Variants in LARGE1 observed in about 807,000 individuals in gnomAD.
The protein encoded by LARGE1 is xylosyl- and glucuronyltransferase LARGE1.
LARGE1 carries 43 observed loss-of-function variants against 87.6 expected under a neutral mutation model. The ratio of observed to expected loss-of-function variants is 0.49; its 90% CI spans 0.38 to 0.63. The LOEUF is 0.63. Ranked by LOEUF, LARGE1 falls within the 30% of genes least tolerant of loss-of-function variation. The probability of loss-of-function intolerance (pLI) is 0.00; values close to 1 mark genes in which losing one functional copy is unlikely to be tolerated. For missense variants in LARGE1, 802 were observed against 1,000.2 expected (o/e 0.80, Z 2.67); for synonymous variants, 434 against 394.6 (o/e 1.10, Z -1.18).
At position 33,378,773 on chromosome 22, in the gene LARGE1, TCCCACGAGGCTG is replaced by T. The variant is rs372283334; in HGVS notation, c.1131+3134_1131+3145del. On this transcript the variant is annotated intron_variant, in intron 9 of 14. Coordinates refer to ENST00000397394, the MANE Select transcript of LARGE1 (RefSeq NM_133642.5). ...CAGACTCTATGGGTTAGTGGCTTAG[TCCCACGAGGCTG>T]CCCACTTCAGATGCCAGTTGCAAAT... 2.9e-3 allele frequency among the ~76,000 whole-genome samples: 441 copies of T among 152,282 alleles called. 1 individual carries two copies. The highest frequency in any genetic ancestry group is 0.01 in the African/African-American group (426 of 41,548).
At chr22:33,550,797 T>C (rs3986016) in intron 6 of LARGE1, among the ~76,000 whole-genome samples, 72,726 of 152,042 alleles carry the variant, frequency 0.48, 17,773 homozygotes, top group Admixed American at 0.56. Flanking sequence ...TCAACCGACG[T>C]GCCCATCAAT....
At chr22:33,184,315 G>C (rs1923359136) in intron 11 of LARGE1, among the ~76,000 whole-genome samples, 1 of 150,820 alleles carries the variant, frequency 6.6e-6, no homozygotes, top group Non-Finnish European at 1.5e-5. Context: ...GAAAATATTT[G>C]GAAGCTAAAT....
intron 7 of LARGE1, among the ~76,000 whole-genome samples, chr22:33,420,986 G>A (rs989877743): frequency 1.3e-5 from 2 of 152,098 alleles, no homozygotes; most frequent in Admixed American, 1.3e-4. Flanking sequence ...TCAGGAGTTC[G>A]AGACCAGCCC....
At chr22:33,419,464 G>A (rs1601773627) in intron 7 of LARGE1, among the ~76,000 whole-genome samples, 1 of 151,860 alleles carries the variant, frequency 6.6e-6, no homozygotes, top group African/African-American at 2.4e-5. Flanking sequence ...GGTGGCCTTT[G>A]CACGTGCCGT....
intron 6 of LARGE1, among the ~76,000 whole-genome samples, chr22:33,537,771 C>G (rs1293852905): frequency 6.6e-6 from 1 of 152,084 alleles, no homozygotes; most frequent in African/African-American, 2.4e-5. Context: ...CAGGGTTTCA[C>G]TATACTGGCC....
intron 9 of LARGE1, among the ~76,000 whole-genome samples, chr22:33,371,451 A>T (rs2064805281): frequency 6.6e-6 from 1 of 152,182 alleles, no homozygotes; most frequent in Non-Finnish European, 1.5e-5. Flanking sequence ...TAACTCCTTG[A>T]TAAGTAGGAC....
At position 33,809,796 on chromosome 22, in the gene LARGE1, T is replaced by C. The variant is rs181948557; in HGVS notation, c.-82-48238A>G. Among the ~76,000 whole-genome samples the C allele has an allele frequency of 3.2e-4, 48 of 152,286 alleles. 1 individual carries two copies. In the East Asian group the frequency reaches 8.5e-3, roughly 27 times the overall value. On this transcript the variant is annotated intron_variant, in intron 1 of 14. Transcript: ENST00000397394. ...CTAAATATTCAAGATCAGATGCATA[T>C]TTTACACTTAAGTACATCTCAATTG...
chr22:33,675,742 C>T (rs780207620), intron 2 of LARGE1, among the ~76,000 whole-genome samples: 1 of 152,204 alleles, frequency 6.6e-6, no homozygotes, highest in Non-Finnish European at 1.5e-5. Flanking sequence ...AACCACTCCC[C>T]TCACAAAAGG....
intron 1 of LARGE1, among the ~76,000 whole-genome samples, chr22:33,819,339 G>A (rs2086751806): frequency 6.6e-6 from 1 of 152,066 alleles, no homozygotes; most frequent in Non-Finnish European, 1.5e-5. Context: ...CCACACATAT[G>A]AATGCTCTGG....
At chr22:33,528,471 C>T (rs545471919) in intron 6 of LARGE1, among the ~76,000 whole-genome samples, 2 of 152,226 alleles carry the variant, frequency 1.3e-5, no homozygotes, top group South Asian at 4.2e-4. Context: ...CTTCATGTGT[C>T]TCATGAACAA....
rs532652118 is a variant in LARGE1, at chr22:33,198,153, G to A, written c.1731-31321C>T. ...TCCAGAGCGGTGTGGTGGGTGGGGG[G>A]AACAGGAGAAAGACATTGATTAGGA... is the stretch of plus-strand genomic sequence containing the variant. On this transcript the variant is annotated intron_variant, in intron 11 of 11. Transcript: ENST00000608642. Among the ~76,000 whole-genome samples the A allele has an allele frequency of 5.9e-5, 9 of 152,180 alleles. No individual in the cohort carries two copies. The South Asian group carries it at 1.9e-3, about 32-fold the overall frequency.
In LARGE1 at chr22:33,919,874, G is replaced by A. The variant is rs1401416611; in HGVS notation, c.-83+121C>T. 6 of 152,200 alleles carry A rather than the reference G, an allele frequency of 3.9e-5. No homozygotes were observed. In the East Asian group the frequency reaches 1.2e-3, roughly 30 times the overall value. 9.4% of individuals were successfully genotyped at this position (152,200 alleles called of 1,614,324 possible). On this transcript the variant is annotated intron_variant, in intron 1 of 14. Coordinates refer to ENST00000397394, the MANE Select transcript of LARGE1 (RefSeq NM_133642.5). ...GCTCCCGGCCGGGGCAGCAGAGGGT[G>A]TGCCCGGCCTCCCCGCCGGCATCCC...
At chr22:33,206,236 G>A (rs1176424501) in intron 11 of LARGE1, among the ~76,000 whole-genome samples, 6 of 152,004 alleles carry the variant, frequency 3.9e-5, no homozygotes, top group East Asian at 1.9e-4. Context: ...GATTACAGGC[G>A]TGAGCCACTG....
chr22:33,502,714 G>T (rs1371573247), intron 6 of LARGE1, among the ~76,000 whole-genome samples: 1 of 151,928 alleles, frequency 6.6e-6, no homozygotes, highest in African/African-American at 2.4e-5. Flanking sequence ...GACTACAGGC[G>T]CCTGCCACCA....
At chr22:33,871,344 A>G (rs951606487) in intron 1 of LARGE1, among the ~76,000 whole-genome samples, 1 of 152,222 alleles carries the variant, frequency 6.6e-6, no homozygotes, top group Admixed American at 6.5e-5. Context: ...AGGTCATTTC[A>G]GTAAGCATTT....
chr22:33,674,426 T>G (rs1033504016), intron 2 of LARGE1, among the ~76,000 whole-genome samples: 1 of 152,222 alleles, frequency 6.6e-6, no homozygotes, highest in African/African-American at 2.4e-5. Flanking sequence ...TCCCAATCTA[T>G]TCTCTGCACA....
chr22:33,823,887 G>A (rs1233192823), intron 1 of LARGE1, among the ~76,000 whole-genome samples: 1 of 152,168 alleles, frequency 6.6e-6, no homozygotes, highest in South Asian at 2.1e-4. Context: ...TTACCCGAGA[G>A]CACCACCCCA....
At chr22:33,816,751 T>C (rs1024526690) in intron 1 of LARGE1, among the ~76,000 whole-genome samples, 7 of 151,290 alleles carry the variant, frequency 4.6e-5, no homozygotes, top group Admixed American at 3.9e-4. Context: ...GAAAGACAGA[T>C]ACAGACAGAC....
At chr22:33,394,755 G>A (rs900018375) in intron 7 of LARGE1, among the ~76,000 whole-genome samples, 24 of 150,890 alleles carry the variant, frequency 1.6e-4, no homozygotes, top group African/African-American at 5.9e-4. Flanking sequence ...ATGTGTGTGT[G>A]TATCTACATG....
Sources: allele counts gnomAD v4.1 joint callset (sites outside exome capture counted in the v4.1 genomes callset), GRCh38; gene constraint gnomAD v4.1.1; transcripts MANE v1.5; gene names NCBI Gene and HGNC (gene_info 2026-07-23, HGNC 2026-07-21).